The following NR3C1 variants were observed in gnomAD, a reference collection of about 807,000 sequenced individuals.
The protein encoded by NR3C1 is nuclear receptor subfamily 3 group C member 1, also known as glucocorticoid receptor.
In NR3C1, 14 loss-of-function variants were observed where a neutral mutation model predicts 74.0. The observed-to-expected ratio is 0.19, with a 90% confidence interval of 0.12 to 0.30. The LOEUF (loss-of-function observed/expected upper bound fraction) is 0.30, where lower values mean the gene tolerates loss of function less well. Among genes scored for constraint, NR3C1 ranks in the 10% least tolerant of loss-of-function variants. NR3C1 has a pLI of 1.00. For missense variants in NR3C1, 695 were observed against 909.8 expected, an observed-to-expected ratio of 0.76 and a Z score of 3.04; for synonymous variants, 308 against 332.5, an observed-to-expected ratio of 0.93 and a Z score of 0.80.
chr5:143,347,995 T>C (rs1187115320), intron 2 of NR3C1, among the ~76,000 whole-genome samples: 2 of 152,136 alleles, frequency 1.3e-5, no homozygotes, highest in African/African-American at 4.8e-5. Context: ...ATTTGGTGTC[T>C]TTTTGGTTTG....
chr5:143,415,706 A>G (rs1426607438), intron 1 of NR3C1, among the ~76,000 whole-genome samples: 1 of 152,174 alleles, frequency 6.6e-6, no homozygotes, highest in East Asian at 1.9e-4. Context: ...ATTGCAAGCC[A>G]TGCTGCAATG....
chr5:143,350,109 G>C (rs1326618648), intron 2 of NR3C1, among the ~76,000 whole-genome samples: 2 of 152,142 alleles, frequency 1.3e-5, no homozygotes, highest in African/African-American at 4.8e-5. Context: ...AATCATAAAA[G>C]ACCCTGTAAG....
At chr5:143,394,421 C>T (rs777712287) in intron 2 of NR3C1, among the ~76,000 whole-genome samples, 1 of 151,876 alleles carries the variant, frequency 6.6e-6, no homozygotes, top group African/African-American at 2.4e-5. Flanking sequence ...CAGAAAAATA[C>T]ATAACCCATA....
intron 2 of NR3C1, among the ~76,000 whole-genome samples, chr5:143,347,337 G>GAC (rs138315288): frequency 1.9e-4 from 29 of 151,644 alleles, no homozygotes; most frequent in East Asian, 1.7e-3. Flanking sequence ...AACACACACA[G>GAC]ACACACACAC....
Position 143,403,640 on chromosome 5 carries a change from G to C in NR3C1, c.-443C>G, listed in dbSNP as rs1003102553. On this transcript the variant is annotated 5_prime_UTR_variant, in exon 1 of 9. Transcript: ENST00000394464. ...GCGCGGACACGCGAAAGGGCAGCCC[G>C]GCCTGGGCGAGCGAGCGGGACCGAG... The C allele has an allele frequency of 2.3e-5, 23 of 985,946 alleles. No individual in the cohort carries two copies. In the Admixed American group the frequency reaches 1.4e-3, roughly 61 times the overall value. The allele number at this position is 985,946 out of a possible 1,614,324, so 61.1% of individuals were successfully genotyped here.
chr5:143,401,232 G>A, intron 1 of NR3C1: 1 of 240,926 alleles, frequency 4.2e-6, no homozygotes, highest in South Asian at 5.5e-5. Context: ...TTCAAAAAAA[G>A]GAAGTGTGAT....
chr5:143,433,424 A>T (rs1445288408), intron 1 of NR3C1, among the ~76,000 whole-genome samples: 5 of 135,944 alleles, frequency 3.7e-5, no homozygotes, highest in African/African-American at 1.1e-4. Context: ...TATTTAAATT[A>T]TATATATATA....
In NR3C1 at chr5:143,367,495, T is replaced by C. The variant is rs771383793; in HGVS notation, c.1184+32161A>G. 1.5e-3 allele frequency among the ~76,000 whole-genome samples: 221 copies of C among 152,210 alleles called. 4 individuals carry two copies. Among genetic ancestry groups the C allele is most frequent in the Non-Finnish European group, 4.7e-4 (32 of 68,042 alleles). On this transcript the variant is annotated intron_variant, in intron 2 of 8. Transcript: ENST00000394464. ...TCTAATTGCAGATGACATGATCTTA[T>C]ATATAGAAATCCTAAATCTATTAAA...
At chr5:143,287,990 C>CTTTACAGAAGACTATTTGTGGAACT (rs2151498298) in intron 7 of NR3C1, among the ~76,000 whole-genome samples, 1 of 152,146 alleles carries the variant, frequency 6.6e-6, no homozygotes, top group African/African-American at 2.4e-5. Context: ...CTGTGAGTCT[C>CTTTACAGAAGACTATTTGTGGAACT]TTTACAGAAG....
intron 2 of NR3C1, among the ~76,000 whole-genome samples, chr5:143,394,288 A>G (rs1838806891): frequency 1.3e-5 from 2 of 152,070 alleles, no homozygotes; most frequent in South Asian, 4.1e-4. Flanking sequence ...ACACACTTTC[A>G]TTCAAAATAC....
At chr5:143,350,501 A>G (rs558399468) in intron 2 of NR3C1, among the ~76,000 whole-genome samples, 56 of 152,276 alleles carry the variant, frequency 3.7e-4, no homozygotes, top group African/African-American at 1.3e-3. Flanking sequence ...GAGAAAGAGG[A>G]AGCAGGCCTT....
intron 7 of NR3C1, among the ~76,000 whole-genome samples, chr5:143,286,234 A>T (rs1272637356): frequency 6.6e-6 from 1 of 152,176 alleles, no homozygotes; most frequent in Admixed American, 6.6e-5. Flanking sequence ...AAAAGGCTCC[A>T]AACAAACCAA....
Position 143,383,578 on chromosome 5 carries a change from T to TG in NR3C1, c.1184+16077dup, listed in dbSNP as rs1400959129. 4.6e-5 allele frequency among the ~76,000 whole-genome samples: 7 copies of TG among 152,098 alleles called. No homozygotes were observed. The East Asian group carries it at 9.7e-4, about 21-fold the overall frequency. ...TGCCAGAGGATACCATCAGATGAGG[T>TG]GGGGGGCTATGGCCTGGACTACATA... is the stretch of plus-strand genomic sequence containing the variant. On this transcript the variant is annotated intron_variant, in intron 2 of 8. Coordinates refer to ENST00000394464, the MANE Select transcript of NR3C1 (RefSeq NM_000176.3).
chr5:143,302,579 A>G (rs532622124), intron 4 of NR3C1, among the ~76,000 whole-genome samples: 1 of 152,210 alleles, frequency 6.6e-6, no homozygotes, highest in South Asian at 2.1e-4. Context: ...CAAGGAAGAA[A>G]GAGTAACAAG....
At position 143,400,560 on chromosome 5, in the gene NR3C1, C is replaced by G; in HGVS notation, c.280G>C (p.Glu94Gln). The G allele has an allele frequency of 6.2e-7, 1 of 1,614,234 alleles. No individual in the cohort carries two copies. The highest frequency in any genetic ancestry group is 8.5e-7 in the Non-Finnish European group (1 of 1,180,032). ...LSMGLYMGET[E>Q]TKVMGNDLGF... is the part of the protein sequence containing the mutation. ...AGGTCATTTCCCATCACTTTTGTTT[C>G]TGTCTCTCCCATATACAGTCCCATT... Residue 94 changes from glutamate (E) to glutamine (Q), a missense_variant, in exon 2 of 9, where the codon GAA (glutamate) becomes CAA (glutamine). Around this residue, in one of 4 missense-constraint regions of NR3C1, gnomAD observed 497 missense variants for 489.5 expected, o/e 1.02. Coordinates refer to ENST00000394464, the MANE Select transcript of NR3C1 (RefSeq NM_000176.3).
At chr5:143,335,053 C>T (rs2151718495) in intron 2 of NR3C1, among the ~76,000 whole-genome samples, 1 of 152,318 alleles carries the variant, frequency 6.6e-6, no homozygotes, top group Non-Finnish European at 1.5e-5. Context: ...GGGGTTCACA[C>T]CTTCTTGACA....
chr5:143,352,023 TG>T (rs1404657595), intron 2 of NR3C1, among the ~76,000 whole-genome samples: 2 of 152,228 alleles, frequency 1.3e-5, no homozygotes, highest in African/African-American at 4.8e-5. Context: ...AAGAGAGTTT[TG>T]TTATATAATT....
chr5:143,306,662 G>A lies in NR3C1; in HGVS notation c.1468+3435C>T, dbSNP rs533941245. Among the ~76,000 whole-genome samples the A allele has an allele frequency of 5.3e-5, 8 of 152,134 alleles. 1 individual carries two copies. The highest frequency in any genetic ancestry group is 1.9e-4 in the African/African-American group (8 of 41,508). ...TCTTCCACTATGTAGTATAAAAATG[G>A]ATATAAAGTAAATCATGGCCCTATT... is the stretch of plus-strand genomic sequence containing the variant. On this transcript the variant is annotated intron_variant, in intron 4 of 8. Transcript: ENST00000394464.
At chr5:143,405,851 A>T (rs759589404), upstream of NR3C1, among the ~76,000 whole-genome samples, 3 of 152,260 alleles carry the variant, frequency 2.0e-5, no homozygotes, top group East Asian at 5.8e-4. Flanking sequence ...TTGGATGCTC[A>T]TCTGTGAGGC....
Sources: gnomAD v4.1 joint callset for allele counts (sites outside exome capture counted in the v4.1 genomes callset) on GRCh38, gnomAD v4.1.1 for gene constraint, gnomAD v4.1.1 regional missense constraint, MANE v1.5 for transcripts, NCBI Gene and HGNC (gene_info 2026-07-23, HGNC 2026-07-21) for gene names.